Variants in FMN1 observed in about 807,000 individuals in gnomAD.
FMN1 encodes formin 1.
Under a neutral mutation model 132.4 loss-of-function variants are expected in FMN1, and 110 were observed. The observed-to-expected ratio is 0.83, with a 90% CI of 0.71 to 0.97. FMN1 has a LOEUF of 0.97. FMN1 is among the 50% of genes least tolerant of loss of function. FMN1 has a pLI of 0.00. For synonymous variants in FMN1, 722 were observed against 651.7 expected (o/e 1.11, Z -1.64); for missense variants, 1,792 against 1,705.3 (o/e 1.05, Z -0.90).
intron 9 of FMN1, among the ~76,000 whole-genome samples, chr15:32,955,858 GAA>G (rs1229523489): frequency 6.6e-6 from 1 of 152,038 alleles, no homozygotes; most frequent in Non-Finnish European, 1.5e-5. Flanking sequence ...TGTGTGGTGA[GAA>G]AGGAATTCCA....
At chr15:32,970,904 A>G (rs1444299518) in intron 7 of FMN1, 1 of 152,198 alleles carries the variant, frequency 6.6e-6, no homozygotes, top group Non-Finnish European at 1.5e-5. Context: ...TGAAAGGCGA[A>G]GTTTTTCGAA....
At chr15:33,067,013 C>G (rs759775064) in intron 5 of FMN1, 2 of 1,614,012 alleles carry the variant, frequency 1.2e-6, no homozygotes, top group Non-Finnish European at 1.7e-6. Flanking sequence ...GGTCTCTCCT[C>G]CCTCAGCGGT....
intron 17 of FMN1, among the ~76,000 whole-genome samples, chr15:32,833,686 T>C (rs1252596001): frequency 6.6e-6 from 1 of 152,192 alleles, no homozygotes; most frequent in Non-Finnish European, 1.5e-5. Context: ...TCTGAAGGTC[T>C]CCATTGAAAA....
intron 17 of FMN1, among the ~76,000 whole-genome samples, chr15:32,813,491 C>T (rs915648843): frequency 2.6e-5 from 4 of 152,120 alleles, no homozygotes; most frequent in African/African-American, 9.7e-5. Flanking sequence ...CAACCATTTA[C>T]AATACTGACA....
At chr15:33,105,341 C>A (rs2039444244) in intron 4 of FMN1, among the ~76,000 whole-genome samples, 2 of 152,024 alleles carry the variant, frequency 1.3e-5, no homozygotes, top group Admixed American at 1.3e-4. Context: ...GTAGGGGTTG[C>A]AATTAATAGC....
intron 16 of FMN1, among the ~76,000 whole-genome samples, chr15:32,857,650 C>A (rs746274665): frequency 2.6e-5 from 4 of 152,168 alleles, no homozygotes; most frequent in African/African-American, 9.7e-5. Context: ...TCATGCTTCC[C>A]GTTCACCTAC....
chr15:32,804,443 G>GT (rs1160627476), intron 17 of FMN1, 111 bp from the exon 18 acceptor site: 1 of 75,866 alleles, frequency 1.3e-5, no homozygotes, highest in Admixed American at 1.9e-4. Context: ...AATTCGGGGG[G>GT]GGGGGGGGGG....
intron 6 of FMN1, among the ~76,000 whole-genome samples, chr15:33,052,729 T>C (rs2037034976): frequency 6.6e-6 from 1 of 152,150 alleles, no homozygotes; most frequent in Non-Finnish European, 1.5e-5. Context: ...AAGCTGTAAG[T>C]TAAATCCTTG....
At chr15:33,068,155 A>C (rs1379280012) in intron 5 of FMN1, 1 of 517,350 alleles carries the variant, frequency 1.9e-6, no homozygotes, top group East Asian at 4.6e-5. Context: ...CTACACACGG[A>C]CCAGGGAGGC....
chr15:33,110,681 T>C lies in FMN1; in HGVS notation c.1868-21707A>G, dbSNP rs181735717. On this transcript the variant is annotated intron_variant, in intron 4 of 20. Coordinates refer to ENST00000616417, the MANE Select transcript of FMN1 (RefSeq NM_001277313.2). ...TTTGATTATATTCAGATTAAATTTA[T>C]ATAAACACAGATCATTAAAGCATTT... Among the ~76,000 whole-genome samples the C allele has an allele frequency of 4.9e-4, 63 of 128,444 alleles. 1 individual carries two copies. The East Asian group carries it at 0.012, about 25-fold the overall frequency. The allele number at this position is 128,444 out of a possible 152,430, so 84.3% of individuals were successfully genotyped here.
At chr15:32,960,426 A>G (rs564752725) in intron 9 of FMN1, among the ~76,000 whole-genome samples, 20 of 152,332 alleles carry the variant, frequency 1.3e-4, no homozygotes, top group African/African-American at 4.8e-4. Flanking sequence ...CCAATTTATT[A>G]GAAAAATTCA....
intron 6 of FMN1, among the ~76,000 whole-genome samples, chr15:33,055,182 AT>A (rs1595365689): frequency 1.3e-5 from 2 of 152,280 alleles, no homozygotes. Flanking sequence ...CAACTGCATG[AT>A]AAAACCTTGG....
At chr15:33,075,020 CAAA>C (rs57504432) in intron 5 of FMN1, among the ~76,000 whole-genome samples, 1,675 of 61,258 alleles carry the variant, frequency 0.027, 5 homozygotes, top group East Asian at 0.068. Context: ...GATTCCATCT[CAAA>C]AAAAAAAAAA....
At chr15:33,117,084 T>C (rs193015871) in intron 4 of FMN1, among the ~76,000 whole-genome samples, 1 of 152,264 alleles carries the variant, frequency 6.6e-6, no homozygotes, top group Admixed American at 6.5e-5. Flanking sequence ...TGAAATAAAG[T>C]TAGCCTCAGA....
intron 8 of FMN1, among the ~76,000 whole-genome samples, chr15:32,968,421 C>T (rs534806991): frequency 2.0e-5 from 3 of 152,304 alleles, no homozygotes; most frequent in Non-Finnish European, 4.4e-5. Context: ...TTGGGGAAAG[C>T]TTTGGCTTAG....
At chr15:33,136,826 G>A (rs971008617) in intron 4 of FMN1, among the ~76,000 whole-genome samples, 7 of 152,050 alleles carry the variant, frequency 4.6e-5, no homozygotes, top group African/African-American at 1.7e-4. Flanking sequence ...GGTGGCTCAC[G>A]CCTGTAATCC....
intron 10 of FMN1, 132 bp from the exon 11 acceptor site, chr15:32,910,667 T>TC (rs1217630239): frequency 1.5e-6 from 1 of 689,564 alleles, no homozygotes; most frequent in Non-Finnish European, 2.5e-6. Flanking sequence ...GCCTCTCTGC[T>TC]CCCCTTCCTT....
At position 33,127,115 on chromosome 15, in the gene FMN1, T is replaced by C. The variant is rs771716260; in HGVS notation, c.1867+25933A>G. On this transcript the variant is annotated intron_variant, in intron 4 of 20. Transcript: ENST00000616417. Reference sequence around the variant, plus strand: ...CTGGTTGGGGGAGTGATGAACGAGATAGCATCCTGTTAACAAGCAGTAGCA... The same window carrying C: ...CTGGTTGGGGGAGTGATGAACGAGACAGCATCCTGTTAACAAGCAGTAGCA... Among the ~76,000 whole-genome samples the C allele has an allele frequency of 2.8e-4, 43 of 152,198 alleles. 1 individual carries two copies. Among genetic ancestry groups the C allele is most frequent in the Admixed American group, 2.0e-3 (31 of 15,280 alleles).
chr15:33,111,800 T>C (rs1180110058), intron 4 of FMN1, among the ~76,000 whole-genome samples: 1 of 151,814 alleles, frequency 6.6e-6, no homozygotes. Flanking sequence ...TGTGGGAAAA[T>C]GGTGAGTGAC....
Sources: allele counts gnomAD v4.1 joint callset (sites outside exome capture counted in the v4.1 genomes callset), GRCh38; gene constraint gnomAD v4.1.1; transcripts MANE v1.5; gene names NCBI Gene and HGNC (gene_info 2026-07-23, HGNC 2026-07-21).